Variants in ERICH6B observed in about 807,000 individuals in gnomAD.
ERICH6B encodes glutamate rich 6B, also known as glutamate-rich protein 6B.
In ERICH6B, 69 loss-of-function variants were observed where a neutral mutation model predicts 80.0. That is an observed-to-expected ratio of 0.86 (90% CI 0.71 to 1.05). The LOEUF (loss-of-function observed/expected upper bound fraction) is 1.05. Among genes scored for constraint, ERICH6B ranks in the 50% least tolerant of loss-of-function variants. The pLI is 0.00. For missense variants in ERICH6B, 754 were observed against 796.1 expected (o/e 0.95, Z 0.64); for synonymous variants, 283 against 291.9 (o/e 0.97, Z 0.31).
intron 2 of ERICH6B, among the ~76,000 whole-genome samples, chr13:45,605,203 C>T (rs902173994): frequency 1.8e-4 from 28 of 152,206 alleles, no homozygotes; most frequent in Non-Finnish European, 3.4e-4. Context: ...GCAGTGCCCC[C>T]ACCTCACTCT....
intron 11 of ERICH6B, among the ~76,000 whole-genome samples, chr13:45,560,958 C>T (rs2137975102): frequency 6.6e-6 from 1 of 152,222 alleles, no homozygotes. Flanking sequence ...GTTGCCTAGG[C>T]TACTAGAGTA....
chr13:45,560,897 G>C (rs1874643699), intron 11 of ERICH6B, among the ~76,000 whole-genome samples: 1 of 152,102 alleles, frequency 6.6e-6, no homozygotes, highest in African/African-American at 2.4e-5. Context: ...AATTTGTTAG[G>C]GGGATGGATC....
At chr13:45,613,830 T>C (rs1422757730) in intron 1 of ERICH6B, among the ~76,000 whole-genome samples, 1 of 152,204 alleles carries the variant, frequency 6.6e-6, no homozygotes, top group Non-Finnish European at 1.5e-5. Context: ...ATACAAAGAC[T>C]TTTTTAGTTA....
At chr13:45,563,344 A>G (rs1232270585) in intron 10 of ERICH6B, among the ~76,000 whole-genome samples, 1 of 152,132 alleles carries the variant, frequency 6.6e-6, no homozygotes, top group Non-Finnish European at 1.5e-5. Context: ...GAATAGACCA[A>G]TGAAACCTGA....
At chr13:45,544,152 A>G (rs3014910) in intron 14 of ERICH6B, among the ~76,000 whole-genome samples, 151,811 of 152,314 alleles carry the variant, frequency 1, 75,656 homozygotes, top group South Asian at 1. Flanking sequence ...AGCTCACTGC[A>G]ACCTCCGTCT....
At chr13:45,569,517 G>A (rs1427841720) in intron 8 of ERICH6B, among the ~76,000 whole-genome samples, 1 of 152,200 alleles carries the variant, frequency 6.6e-6, no homozygotes, top group African/African-American at 2.4e-5. Context: ...CCTCACAAGA[G>A]TTTGTGTTTT....
At chr13:45,560,369 C>T (rs1182008446) in intron 11 of ERICH6B, among the ~76,000 whole-genome samples, 2 of 152,076 alleles carry the variant, frequency 1.3e-5, no homozygotes, top group African/African-American at 4.8e-5. Context: ...GTGGAAAGTA[C>T]AGTTTCCCAT....
chr13:45,572,505 C>G (rs551468442), intron 8 of ERICH6B, among the ~76,000 whole-genome samples: 1 of 152,194 alleles, frequency 6.6e-6, no homozygotes, highest in East Asian at 1.9e-4. Flanking sequence ...TAAAGAGATC[C>G]CTTAGAGAGC....
intron 2 of ERICH6B, among the ~76,000 whole-genome samples, chr13:45,606,524 TA>T (rs1566307733): frequency 9.0e-5 from 3 of 33,334 alleles, no homozygotes; most frequent in South Asian, 1.5e-3. Flanking sequence ...TATATATATA[TA>T]TATATATATA....
At chr13:45,545,924 C>T (rs1332314016) in intron 13 of ERICH6B, among the ~76,000 whole-genome samples, 1 of 152,208 alleles carries the variant, frequency 6.6e-6, no homozygotes, top group Non-Finnish European at 1.5e-5. Flanking sequence ...GTATGTATTT[C>T]CCCTAGGAGC....
In ERICH6B at chr13:45,568,502, TGTTA is replaced by T. The variant is rs956194859; in HGVS notation, c.1051-55_1051-52del. 9.7e-5 allele frequency: 138 copies of T among 1,429,926 alleles called. No individual in the cohort carries two copies. In the African/African-American group the frequency reaches 1.4e-3, roughly 15 times the overall value. 88.6% of individuals were successfully genotyped at this position (1,429,926 alleles called of 1,614,324 possible). ...ATTCAGAAAATGGAAATTAATGATTTGTTAGTTAATCACTTTTCTGACTCTCAAA... is the reference window on the plus strand; with the variant it reads ...ATTCAGAAAATGGAAATTAATGATTTGTTAATCACTTTTCTGACTCTCAAA... On this transcript the variant is annotated intron_variant, in intron 8 of 14. Transcript: ENST00000298738.
Position 45,596,504 on chromosome 13 carries a change from C to T in ERICH6B, c.502G>A (p.Glu168Lys). The part of the protein sequence containing the change: ...LGKKAYLEEE[E>K]YLGKKSYLEE... ...AGATATGATTTCTTCCCCAGATACT[C>T]CTCCTCCTCCAGATACGCTTTCTTC... The change falls in exon 3 of 15, where the codon GAG becomes AAG. Residue 168 changes from glutamate (E) to lysine (K), a missense_variant. By Grantham distance (56) the Glu-to-Lys change is moderately conservative. Transcript: ENST00000298738. The T allele has an allele frequency of 2.6e-6, 4 of 1,542,238 alleles. No individual in the cohort carries two copies. Among genetic ancestry groups the T allele is most frequent in the Non-Finnish European group, 3.5e-6 (4 of 1,138,272 alleles).
chr13:45,550,171 C>A, intron 12 of ERICH6B, 60 bp downstream of exon 12: 1 of 1,536,958 alleles, frequency 6.5e-7, no homozygotes, highest in Non-Finnish European at 8.8e-7. Context: ...CATAAAAAAT[C>A]GTAGACATTT....
chr13:45,567,904 G>C (rs768839058), intron 9 of ERICH6B, among the ~76,000 whole-genome samples: 27 of 152,228 alleles, frequency 1.8e-4, no homozygotes, highest in Non-Finnish European at 2.8e-4. Context: ...CAGGGAATTT[G>C]GTGGGCAGAT....
chr13:45,549,296 AG>A (rs887045352), intron 13 of ERICH6B, among the ~76,000 whole-genome samples: 5 of 151,978 alleles, frequency 3.3e-5, no homozygotes, highest in Non-Finnish European at 5.9e-5. Context: ...AAAAAAAAAA[AG>A]TATATATAAG....
intron 7 of ERICH6B, among the ~76,000 whole-genome samples, chr13:45,578,780 C>T (rs1301598153): frequency 2.6e-5 from 4 of 152,196 alleles, no homozygotes; most frequent in Non-Finnish European, 2.9e-5. Flanking sequence ...TGGCCAGGCA[C>T]GGTGGCTCAC....
intron 4 of ERICH6B, among the ~76,000 whole-genome samples, chr13:45,590,301 TAC>T (rs1176589678): frequency 1.3e-5 from 2 of 152,028 alleles, no homozygotes; most frequent in Non-Finnish European, 2.9e-5. Flanking sequence ...CGGGACAGAC[TAC>T]ACCTTCCCTT....
At chr13:45,595,683 T>C (rs1053194506) in intron 3 of ERICH6B, among the ~76,000 whole-genome samples, 10 of 150,228 alleles carry the variant, frequency 6.7e-5, no homozygotes, top group South Asian at 2.1e-4. Context: ...CTCTCTCTTT[T>C]TTTTTTTTTT....
At chr13:45,544,560 G>A (rs1297022124) in intron 14 of ERICH6B, among the ~76,000 whole-genome samples, 200 bp downstream of exon 14, 1 of 152,164 alleles carries the variant, frequency 6.6e-6, no homozygotes, top group Admixed American at 6.5e-5. Flanking sequence ...CAGATCCTAA[G>A]CTCACAGTGC....
Sources: gnomAD v4.1 joint callset for allele counts (sites outside exome capture counted in the v4.1 genomes callset) on GRCh38, gnomAD v4.1.1 for gene constraint, MANE v1.5 for transcripts, NCBI Gene and HGNC (gene_info 2026-07-23, HGNC 2026-07-21) for gene names.